PDE1A: variants seen among roughly 807,000 people sequenced by gnomAD.
The protein encoded by PDE1A is dual specificity calcium/calmodulin-dependent 3',5'-cyclic nucleotide phosphodiesterase 1A.
PDE1A carries 35 observed loss-of-function variants against 61.7 expected under a neutral mutation model. That is an observed-to-expected ratio of 0.57 (90% CI 0.43 to 0.75). The LOEUF (loss-of-function observed/expected upper bound fraction) is 0.75, where lower values mean the gene tolerates loss of function less well. PDE1A is among the 30% of genes least tolerant of loss of function. PDE1A has a pLI of 0.00. For missense variants in PDE1A, 597 were observed against 630.6 expected (o/e 0.95, Z 0.57); for synonymous variants, 232 against 213.2 (o/e 1.09, Z -0.77).
chr2:182,180,537 C>T (rs1051991659), intron 13 of PDE1A, among the ~76,000 whole-genome samples: 3 of 152,070 alleles, frequency 2.0e-5, no homozygotes, highest in Non-Finnish European at 4.4e-5. Context: ...TTGTTTCAAC[C>T]TTGGAGAATC....
intron 1 of PDE1A, among the ~76,000 whole-genome samples, chr2:182,311,448 A>G (rs1180914848): frequency 6.6e-6 from 1 of 152,204 alleles, no homozygotes; most frequent in Non-Finnish European, 1.5e-5. Flanking sequence ...CCATCACTAC[A>G]CTGAAGACAC....
At chr2:182,693,634 GTTCT>G in the PDE1A span, among the ~76,000 whole-genome samples, 1 of 132,024 alleles carries the variant, frequency 7.6e-6, no homozygotes, top group Non-Finnish European at 1.6e-5. Flanking sequence ...TCTTGATAGT[GTTCT>G]TTTTTTTTTT....
At chr2:182,321,566 G>A (rs1696694142) in intron 1 of PDE1A, among the ~76,000 whole-genome samples, 1 of 152,084 alleles carries the variant, frequency 6.6e-6, no homozygotes, top group Admixed American at 6.6e-5. Context: ...ATGAGAGAGA[G>A]GAGCCACAAA....
chr2:182,550,894 T>G, the PDE1A span, among the ~76,000 whole-genome samples: 5 of 152,056 alleles, frequency 3.3e-5, no homozygotes, highest in Non-Finnish European at 2.9e-5. Flanking sequence ...GGCTCAAAAT[T>G]GTATGTAAGT....
At chr2:182,654,677 C>A in the PDE1A span, among the ~76,000 whole-genome samples, 2 of 151,994 alleles carry the variant, frequency 1.3e-5, no homozygotes, top group South Asian at 4.2e-4. Flanking sequence ...CATGAAGTAA[C>A]CTCTCAGGGT....
chr2:182,462,269 C>T (rs986106807), intron 2 of PDE1A, among the ~76,000 whole-genome samples: 1 of 151,510 alleles, frequency 6.6e-6, no homozygotes, highest in Non-Finnish European at 1.5e-5. Flanking sequence ...CAAACCTGCA[C>T]GTTGTGCACA....
chr2:182,544,935 C>T, the PDE1A span, among the ~76,000 whole-genome samples: 5 of 152,112 alleles, frequency 3.3e-5, no homozygotes, highest in East Asian at 7.7e-4. Context: ...ATAAACAGTA[C>T]AATAATCACG....
At chr2:182,530,219 A>G in the PDE1A span, among the ~76,000 whole-genome samples, 3 of 135,022 alleles carry the variant, frequency 2.2e-5, no homozygotes, top group African/African-American at 7.5e-5. Context: ...AGGCAACAAG[A>G]GACAGTATCC....
At chr2:182,342,967 A>G (rs959389655) in intron 1 of PDE1A, among the ~76,000 whole-genome samples, 16 of 152,230 alleles carry the variant, frequency 1.1e-4, no homozygotes, top group African/African-American at 3.4e-4. Context: ...ATGTATATGC[A>G]CATACATGCG....
chr2:182,636,701 A>G, the PDE1A span, among the ~76,000 whole-genome samples: 2 of 152,228 alleles, frequency 1.3e-5, no homozygotes, highest in Admixed American at 6.5e-5. Context: ...ATTATCTCAC[A>G]GTTCTATAGT....
the PDE1A span, among the ~76,000 whole-genome samples, chr2:182,585,410 T>C: frequency 6.6e-6 from 1 of 152,346 alleles, no homozygotes; most frequent in South Asian, 2.1e-4. Flanking sequence ...TAAAAATTTG[T>C]ATATGAACCA....
chr2:182,194,522 T>G (rs1213454791), intron 10 of PDE1A, among the ~76,000 whole-genome samples: 1 of 152,128 alleles, frequency 6.6e-6, no homozygotes, highest in Non-Finnish European at 1.5e-5. Context: ...ACAGGCTTGT[T>G]GCGAAAATGC....
chr2:182,169,346 T>C (rs905197061), intron 13 of PDE1A, among the ~76,000 whole-genome samples: 6 of 152,128 alleles, frequency 3.9e-5, no homozygotes, highest in African/African-American at 1.4e-4. Context: ...GAATTAGCTA[T>C]ATTTATTTAT....
intron 2 of PDE1A, among the ~76,000 whole-genome samples, chr2:182,506,418 T>C (rs1487670507): frequency 7.9e-5 from 12 of 152,208 alleles, no homozygotes; most frequent in Non-Finnish European, 8.8e-5. Flanking sequence ...GTGTGGCTAA[T>C]GGACACATAC....
chr2:182,477,268 T>C (rs922309212), intron 2 of PDE1A, among the ~76,000 whole-genome samples: 3 of 151,796 alleles, frequency 2.0e-5, no homozygotes, highest in Admixed American at 6.6e-5. Flanking sequence ...AAGAGAAAAA[T>C]GTAGTCTGGT....
the PDE1A span, among the ~76,000 whole-genome samples, chr2:182,544,428 AC>A: frequency 6.6e-6 from 1 of 152,090 alleles, no homozygotes; most frequent in Non-Finnish European, 1.5e-5. Context: ...CCAAACTTAG[AC>A]TTTTGAGTCT....
the PDE1A span, among the ~76,000 whole-genome samples, chr2:182,650,289 C>T: frequency 2.0e-5 from 3 of 152,072 alleles, no homozygotes; most frequent in Admixed American, 6.5e-5. Flanking sequence ...TTTTAAAAAC[C>T]TACTAACAAG....
the PDE1A span, among the ~76,000 whole-genome samples, chr2:182,582,182 T>C: frequency 6.6e-6 from 1 of 152,150 alleles, no homozygotes; most frequent in African/African-American, 2.4e-5. Context: ...GATCAAAATG[T>C]CTGGTTAGAT....
chr2:182,586,913 T>C, the PDE1A span, among the ~76,000 whole-genome samples: 3 of 152,198 alleles, frequency 2.0e-5, no homozygotes, highest in Non-Finnish European at 4.4e-5. Flanking sequence ...ACAAGTAATC[T>C]GTTAATTATA....
Sources: allele counts gnomAD v4.1 joint callset (sites outside exome capture counted in the v4.1 genomes callset), GRCh38; gene constraint gnomAD v4.1.1; transcripts MANE v1.5; gene names NCBI Gene and HGNC (gene_info 2026-07-23, HGNC 2026-07-21).